Variants in GRID2 observed in about 807,000 individuals in gnomAD.
GRID2 encodes glutamate receptor ionotropic, delta-2.
In GRID2, 33 loss-of-function variants were observed where a neutral mutation model predicts 114.8. The ratio of observed to expected loss-of-function variants is 0.29; its 90% CI spans 0.22 to 0.38. The LOEUF is 0.38. Ranked by LOEUF, GRID2 falls within the 10% of genes least tolerant of loss-of-function variation. The probability of loss-of-function intolerance (pLI) is 1.00; values close to 1 mark genes in which losing one functional copy is unlikely to be tolerated. For missense variants in GRID2, 1,184 were observed against 1,257.7 expected (o/e 0.94, Z 0.89); for synonymous variants, 505 against 449.9 (o/e 1.12, Z -1.55).
intron 2 of GRID2, among the ~76,000 whole-genome samples, chr4:93,077,631 T>A (rs1345096096): frequency 6.6e-6 from 1 of 152,220 alleles, no homozygotes; most frequent in African/African-American, 2.4e-5. Context: ...TTGCTTGTTA[T>A]GTTTATGATT....
chr4:92,855,696 A>G (rs1744123390), intron 2 of GRID2, among the ~76,000 whole-genome samples: 1 of 151,980 alleles, frequency 6.6e-6, no homozygotes, highest in Admixed American at 6.6e-5. Flanking sequence ...TGTTTATAGG[A>G]TTTTTATTAA....
At chr4:92,565,732 C>A (rs2149186681) in intron 1 of GRID2, among the ~76,000 whole-genome samples, 1 of 152,066 alleles carries the variant, frequency 6.6e-6, no homozygotes, top group East Asian at 1.9e-4. Flanking sequence ...ATTAACAAGT[C>A]TTTTTCTCCC....
chr4:92,956,994 TTTTG>T (rs1163845924), intron 2 of GRID2, among the ~76,000 whole-genome samples: 2 of 152,164 alleles, frequency 1.3e-5, no homozygotes, highest in African/African-American at 2.4e-5. Context: ...TTGGCTCATT[TTTTG>T]TTTGTTTTCT....
intron 2 of GRID2, among the ~76,000 whole-genome samples, chr4:93,042,991 A>G (rs193268576): frequency 6.6e-6 from 1 of 152,136 alleles, no homozygotes; most frequent in African/African-American, 2.4e-5. Flanking sequence ...CATATTTTAG[A>G]GGAGTGAAAA....
At chr4:92,539,239 T>C (rs902313882) in intron 1 of GRID2, among the ~76,000 whole-genome samples, 1 of 152,162 alleles carries the variant, frequency 6.6e-6, no homozygotes, top group African/African-American at 2.4e-5. Flanking sequence ...GTGTGTACTC[T>C]ATTTGTTTCT....
intron 1 of GRID2, among the ~76,000 whole-genome samples, chr4:92,454,513 A>G (rs1037407440): frequency 6.6e-6 from 1 of 152,232 alleles, no homozygotes; most frequent in Non-Finnish European, 1.5e-5. Flanking sequence ...TGTATATACA[A>G]ACACAGTGGT....
chr4:92,740,106 A>G (rs1736800568), intron 2 of GRID2, among the ~76,000 whole-genome samples: 1 of 152,028 alleles, frequency 6.6e-6, no homozygotes, highest in Admixed American at 6.6e-5. Flanking sequence ...TTCCTTTGAG[A>G]TTTTCTTTTC....
In GRID2 at chr4:93,608,775, G is replaced by T. The variant is rs78242547; in HGVS notation, c.2194-17494G>T. Among the ~76,000 whole-genome samples the T allele has an allele frequency of 6.2e-3, 742 of 119,750 alleles. 29 individuals carry two copies. The highest frequency in any genetic ancestry group is 0.03 in the Middle Eastern group (6 of 200). The allele number at this position is 119,750 out of a possible 152,430, so 78.6% of individuals were successfully genotyped here. A position where few individuals can be genotyped will look rare whatever the true frequency, so the allele number is the denominator to read the frequency against. ...TGAACAGTGCCGCAATAAACATACG[G>T]GTGCATGTGTCTTTATAGCAGCATG... On this transcript the variant is annotated intron_variant, in intron 13 of 15. Coordinates refer to ENST00000282020, the MANE Select transcript of GRID2 (RefSeq NM_001510.4).
intron 4 of GRID2, among the ~76,000 whole-genome samples, chr4:93,119,901 GT>G (rs1390832093): frequency 2.0e-5 from 3 of 151,106 alleles, no homozygotes; most frequent in Non-Finnish European, 4.4e-5. Flanking sequence ...TGATGGGGTT[GT>G]TTTTTTCTTG....
chr4:92,479,513 A>C (rs1369528094), intron 1 of GRID2, among the ~76,000 whole-genome samples: 2 of 152,174 alleles, frequency 1.3e-5, no homozygotes, highest in African/African-American at 4.8e-5. Flanking sequence ...GTTCTGTTTA[A>C]ATGAGCACTT....
At chr4:93,591,458 C>CG (rs1738293946) in intron 13 of GRID2, among the ~76,000 whole-genome samples, 1 of 151,912 alleles carries the variant, frequency 6.6e-6, no homozygotes, top group Non-Finnish European at 1.5e-5. Context: ...TTCGGTTTGC[C>CG]AGTATTTTAT....
chr4:92,805,219 G>T (rs1273185378), intron 2 of GRID2, among the ~76,000 whole-genome samples: 1 of 151,772 alleles, frequency 6.6e-6, no homozygotes, highest in Non-Finnish European at 1.5e-5. Flanking sequence ...CCAAATTTCT[G>T]TGTGATTTTT....
At chr4:92,848,093 A>G (rs992445436) in intron 2 of GRID2, among the ~76,000 whole-genome samples, 1 of 152,008 alleles carries the variant, frequency 6.6e-6, no homozygotes, top group Admixed American at 6.6e-5. Context: ...TGGTGAAAAT[A>G]ATGGTATGTT....
At chr4:92,795,907 C>T (rs964162037) in intron 2 of GRID2, among the ~76,000 whole-genome samples, 1 of 151,954 alleles carries the variant, frequency 6.6e-6, no homozygotes, top group African/African-American at 2.4e-5. Flanking sequence ...TCACCTCCCT[C>T]CTTTTTTATT....
chr4:92,440,850 A>T (rs527246797), intron 1 of GRID2, among the ~76,000 whole-genome samples: 1 of 152,164 alleles, frequency 6.6e-6, no homozygotes, highest in Non-Finnish European at 1.5e-5. Context: ...GGGAGGCTGA[A>T]GTCTGGGCCA....
intron 2 of GRID2, among the ~76,000 whole-genome samples, chr4:93,009,206 C>T (rs1721864575): frequency 6.6e-6 from 1 of 152,048 alleles, no homozygotes; most frequent in Admixed American, 6.6e-5. Flanking sequence ...CTATACTTTC[C>T]CTACTGCAAG....
At chr4:93,454,512 TA>T (rs962537809) in intron 10 of GRID2, among the ~76,000 whole-genome samples, 2 of 151,972 alleles carry the variant, frequency 1.3e-5, no homozygotes, top group Admixed American at 1.3e-4. Context: ...AAAAAATACT[TA>T]AATACTTAGC....
intron 2 of GRID2, among the ~76,000 whole-genome samples, chr4:92,953,336 A>G (rs1357377523): frequency 6.6e-6 from 1 of 152,172 alleles, no homozygotes; most frequent in East Asian, 1.9e-4. Context: ...TTTTCATTAT[A>G]AAGATTACAT....
chr4:92,564,681 G>T (rs1241965388), intron 1 of GRID2, among the ~76,000 whole-genome samples: 1 of 151,874 alleles, frequency 6.6e-6, no homozygotes, highest in East Asian at 1.9e-4. Flanking sequence ...TACACTAAAA[G>T]AATCTTAAAC....
Sources: gnomAD v4.1 joint callset for allele counts (sites outside exome capture counted in the v4.1 genomes callset) on GRCh38, gnomAD v4.1.1 for gene constraint, MANE v1.5 for transcripts, NCBI Gene and HGNC (gene_info 2026-07-23, HGNC 2026-07-21) for gene names.